WHRN: variants seen among roughly 807,000 people sequenced by gnomAD.
The protein encoded by WHRN is whirlin.
WHRN carries 41 observed loss-of-function variants against 68.3 expected under a neutral mutation model. The ratio of observed to expected loss-of-function variants is 0.60; its 90% CI spans 0.47 to 0.78. The LOEUF (loss-of-function observed/expected upper bound fraction) is 0.78. Among genes scored for constraint, WHRN ranks in the 30% least tolerant of loss-of-function variants. WHRN has a pLI of 0.00. For missense variants in WHRN, 1,243 were observed against 1,244.7 expected (o/e 1.00, Z 0.02); for synonymous variants, 560 against 561.3 (o/e 1.00, Z 0.03).
intron 7 of WHRN, among the ~76,000 whole-genome samples, chr9:114,413,029 G>C (rs899238871): frequency 6.6e-6 from 1 of 152,224 alleles, no homozygotes; most frequent in Non-Finnish European, 1.5e-5. Flanking sequence ...CAAGCCAACA[G>C]GGTCCCCCAA....
rs754256328 is a variant in WHRN, at chr9:114,478,687, T to C, written c.703A>G (p.Thr235Ala). 1.4e-5 allele frequency: 23 copies of C among 1,612,802 alleles called. No individual in the cohort carries two copies. The highest frequency in any genetic ancestry group is 1.9e-5 in the Non-Finnish European group (22 of 1,179,936). Reference sequence around the variant, plus strand: ...CTGCGGCCCTGCGGGTCCACCCAGGTGTAGATGTGGTTGGTGACGTAGCCC... The same window carrying C: ...CTGCGGCCCTGCGGGTCCACCCAGGCGTAGATGTGGTTGGTGACGTAGCCC... ...PGGYVTNHIYTWVDPQGRSIS... is the reference protein window; with the variant it reads ...PGGYVTNHIYAWVDPQGRSIS... The change falls in exon 2 of 12, where the codon ACC becomes GCC. Residue 235 changes from threonine (T) to alanine (A), a missense_variant. Transcript: ENST00000362057.
intron 1 of WHRN, among the ~76,000 whole-genome samples, chr9:114,498,023 T>C (rs1334551721): frequency 6.6e-6 from 1 of 152,196 alleles, no homozygotes; most frequent in Non-Finnish European, 1.5e-5. Flanking sequence ...TGTTTTTGTC[T>C]AGCACCCACA....
At chr9:114,455,674 AC>A (rs1234256404) in intron 3 of WHRN, among the ~76,000 whole-genome samples, 15 of 150,536 alleles carry the variant, frequency 1.0e-4, no homozygotes, top group Middle Eastern at 6.9e-3. Flanking sequence ...TGATCATGCC[AC>A]TGCATTCCAG....
chr9:114,422,169 AT>A (rs1836349620), intron 7 of WHRN, among the ~76,000 whole-genome samples: 1 of 152,170 alleles, frequency 6.6e-6, no homozygotes, highest in African/African-American at 2.4e-5. Context: ...CTAATACCGT[AT>A]CTACCTCCAG....
chr9:114,473,314 G>A (rs911795729), intron 2 of WHRN, among the ~76,000 whole-genome samples: 23 of 152,322 alleles, frequency 1.5e-4, no homozygotes, highest in African/African-American at 5.3e-4. Flanking sequence ...CAAGATGACT[G>A]GTGCTGTGTG....
At chr9:114,439,206 G>C (rs1838158516) in intron 3 of WHRN, among the ~76,000 whole-genome samples, 1 of 152,170 alleles carries the variant, frequency 6.6e-6, no homozygotes. Flanking sequence ...TAGTTTTGAT[G>C]TTTTAGTACT....
At chr9:114,481,800 T>G (rs192601641) in intron 1 of WHRN, among the ~76,000 whole-genome samples, 1 of 152,352 alleles carries the variant, frequency 6.6e-6, no homozygotes, top group East Asian at 1.9e-4. Context: ...CATGACAGGC[T>G]GCAGCCTGGT....
At chr9:114,414,709 C>T (rs571689493) in intron 7 of WHRN, among the ~76,000 whole-genome samples, 2 of 152,336 alleles carry the variant, frequency 1.3e-5, no homozygotes, top group African/African-American at 4.8e-5. Flanking sequence ...AGGAATGGTC[C>T]TATTCAGGCT....
chr9:114,479,701 G>A (rs1338088308), intron 1 of WHRN, among the ~76,000 whole-genome samples: 3 of 152,160 alleles, frequency 2.0e-5, no homozygotes, highest in Non-Finnish European at 4.4e-5. Context: ...GACTGCAGAG[G>A]GGAAGGAGGA....
chr9:114,461,432 A>C (rs1840236946), intron 3 of WHRN, among the ~76,000 whole-genome samples: 1 of 152,218 alleles, frequency 6.6e-6, no homozygotes, highest in Non-Finnish European at 1.5e-5. Flanking sequence ...CCCACTTAAT[A>C]ACAGCCCACA....
intron 3 of WHRN, among the ~76,000 whole-genome samples, chr9:114,431,086 T>C (rs1837381271): frequency 6.6e-6 from 1 of 152,238 alleles, no homozygotes; most frequent in South Asian, 2.1e-4. Flanking sequence ...GTGTCTTCTC[T>C]GCTGCTAGTG....
chr9:114,425,320 G>A (rs1019548265), intron 4 of WHRN: 17 of 609,898 alleles, frequency 2.8e-5, no homozygotes, highest in Non-Finnish European at 2.0e-5. Flanking sequence ...AAGGAGTGGA[G>A]GGAAGAAATG....
intron 7 of WHRN, among the ~76,000 whole-genome samples, chr9:114,418,379 A>T (rs963057938): frequency 1.3e-5 from 2 of 152,196 alleles, no homozygotes; most frequent in African/African-American, 4.8e-5. Flanking sequence ...ACCCATCATC[A>T]CATCTTTAGC....
chr9:114,435,023 C>G (rs140406203), intron 3 of WHRN, among the ~76,000 whole-genome samples: 1 of 152,164 alleles, frequency 6.6e-6, no homozygotes, highest in South Asian at 2.1e-4. Context: ...AAACGTATTT[C>G]CCTTCATTCC....
chr9:114,481,316 C>T (rs1253353572), intron 1 of WHRN, among the ~76,000 whole-genome samples: 10 of 152,216 alleles, frequency 6.6e-5, no homozygotes, highest in Non-Finnish European at 1.3e-4. Context: ...ACGAGGATGG[C>T]GTCTCTCCAA....
chr9:114,474,139 T>C (rs1252922868), intron 2 of WHRN, among the ~76,000 whole-genome samples: 5 of 152,106 alleles, frequency 3.3e-5, no homozygotes, highest in African/African-American at 9.7e-5. Flanking sequence ...TCAGGAACAA[T>C]CTCATCCTGA....
At chr9:114,448,275 A>T (rs560485784) in intron 3 of WHRN, among the ~76,000 whole-genome samples, 8 of 152,188 alleles carry the variant, frequency 5.3e-5, no homozygotes, top group Non-Finnish European at 1.2e-4. Flanking sequence ...ACACGAAGAC[A>T]GGGGCAGAGA....
At chr9:114,451,905 G>A (rs1023464379) in intron 3 of WHRN, among the ~76,000 whole-genome samples, 2 of 152,124 alleles carry the variant, frequency 1.3e-5, no homozygotes. Context: ...TGTAAAATAG[G>A]GATAATACCA....
chr9:114,452,296 G>A (rs375202588), intron 3 of WHRN, among the ~76,000 whole-genome samples: 1 of 152,186 alleles, frequency 6.6e-6, no homozygotes, highest in East Asian at 1.9e-4. Context: ...GAAACATCGG[G>A]CAGGTGTCAC....
Sources: gnomAD v4.1 joint callset for allele counts (sites outside exome capture counted in the v4.1 genomes callset) on GRCh38, gnomAD v4.1.1 for gene constraint, MANE v1.5 for transcripts, NCBI Gene and HGNC (gene_info 2026-07-23, HGNC 2026-07-21) for gene names.